ANO7: variants seen among roughly 807,000 people sequenced by gnomAD.
ANO7 encodes the protein anoctamin-7.
Under a neutral mutation model 115.8 loss-of-function variants are expected in ANO7, and 114 were observed. The ratio of observed to expected loss-of-function variants is 0.98; its 90% CI spans 0.85 to 1.15. ANO7 has a LOEUF of 1.15. Among genes scored for constraint, ANO7 ranks in the 50% most tolerant of loss-of-function variants. The probability of loss-of-function intolerance (pLI) is 0.00; values close to 1 mark genes in which losing one functional copy is unlikely to be tolerated. For missense variants in ANO7, 1,302 were observed against 1,201.2 expected (o/e 1.08, Z -1.24); for synonymous variants, 550 against 498.2 (o/e 1.10, Z -1.38).
intron 7 of ANO7, among the ~76,000 whole-genome samples, 159 bp downstream of exon 7, chr2:241,201,514 C>T (rs546875002): frequency 1.3e-5 from 2 of 152,232 alleles, no homozygotes; most frequent in South Asian, 2.1e-4. Context: ...GACCTCACCT[C>T]GCTACACAGG....
chr2:241,215,907 T>G (rs1477417004), intron 18 of ANO7, among the ~76,000 whole-genome samples, 186 bp from the exon 19 acceptor site: 1 of 152,220 alleles, frequency 6.6e-6, no homozygotes, highest in Non-Finnish European at 1.5e-5. Context: ...ACGCTTTCAC[T>G]GAGTCCGATC....
chr2:241,191,103 C>T (rs1459726524), intron 2 of ANO7, 91 bp from the exon 3 acceptor site: 20 of 1,423,216 alleles, frequency 1.4e-5, no homozygotes, highest in Admixed American at 7.0e-5. Flanking sequence ...GGGTTGGAGG[C>T]GAGGACGGCT....
chr2:241,226,549 C>T (rs1020172742), downstream of ANO7, among the ~76,000 whole-genome samples: 9 of 151,970 alleles, frequency 5.9e-5, no homozygotes, highest in South Asian at 4.2e-4. Flanking sequence ...CTCAGCCTCC[C>T]GAGTAGCTGG....
rs758754917 is a variant in ANO7, at chr2:241,203,624, C to T, written c.889+126C>T. The T allele has an allele frequency of 1.0e-4, 70 of 669,242 alleles. 1 individual carries two copies. Among genetic ancestry groups the T allele is most frequent in the Non-Finnish European group, 1.5e-4 (63 of 425,444 alleles). 41.5% of individuals were successfully genotyped at this position (669,242 alleles called of 1,614,324 possible). ...GGGGGCCTGGACGGTGGGCGCAGCT[C>T]TTGGCTCGACCGGGCTGCCCTCCTG... On this transcript the variant is annotated intron_variant, in intron 9 of 24. Transcript: ENST00000674324. This position sits in a 1 kb window ranked among gnomAD's most constrained non-coding sequence, Gnocchi z 4.8.
chr2:241,222,543 A>G (rs955085395), intron 21 of ANO7, among the ~76,000 whole-genome samples: 10 of 149,244 alleles, frequency 6.7e-5, no homozygotes, highest in African/African-American at 2.2e-4. Context: ...CATTTGAGGG[A>G]TTTTTTTTCC....
At chr2:241,208,879 G>A (rs564665176) in intron 11 of ANO7, among the ~76,000 whole-genome samples, 1 of 152,334 alleles carries the variant, frequency 6.6e-6, no homozygotes, top group Admixed American at 6.5e-5. Flanking sequence ...GCTGGGCACG[G>A]TGGCTCACGC....
downstream of ANO7, chr2:241,230,323 A>T: frequency 9.4e-7 from 1 of 1,065,618 alleles, no homozygotes; most frequent in Non-Finnish European, 1.4e-6. This position sits in a 1 kb window ranked among gnomAD's most constrained non-coding sequence, Gnocchi z 5.0. Flanking sequence ...GAAAAGGGTT[A>T]AAATTATGTG....
chr2:241,194,729 C>A (rs1373566702), intron 3 of ANO7, among the ~76,000 whole-genome samples: 1 of 152,208 alleles, frequency 6.6e-6, no homozygotes, highest in Non-Finnish European at 1.5e-5. Context: ...TCATCTCTTA[C>A]TTTACCTAAT....
In ANO7 at chr2:241,216,151, G is replaced by A. The variant is rs1247633432; in HGVS notation, c.1885G>A (p.Ala629Thr). 2 of 1,613,414 alleles carry A rather than the reference G, an allele frequency of 1.2e-6. No homozygotes were observed. Among genetic ancestry groups the A allele is most frequent in the East Asian group, 2.2e-5 (1 of 44,882 alleles). Residue 629 changes from alanine (A) to threonine (T), a missense_variant, in exon 19 of 25, where the codon GCT (alanine) becomes ACT (threonine). Physicochemically the swap from Ala to Thr is moderately conservative, Grantham distance 58. Coordinates refer to ENST00000674324, the MANE Select transcript of ANO7 (RefSeq NM_001370694.2). ...RLRSKKRKAG[A>T]SAGASQGPWE... ...TCGCTCCAAGAAGAGGAAGGCGGGA[G>A]CTTCTGCAGGGGCTAGCCAGGGGCC...
At chr2:241,196,469 C>G (rs1247997133) in intron 4 of ANO7, among the ~76,000 whole-genome samples, 2 of 152,236 alleles carry the variant, frequency 1.3e-5, no homozygotes, top group East Asian at 3.8e-4. Flanking sequence ...CCTCTGACCA[C>G]CTTCCTCTGT....
At chr2:241,222,233 CATAAATAAATAA>C (rs59653174) in intron 21 of ANO7, among the ~76,000 whole-genome samples, 191 of 143,344 alleles carry the variant, frequency 1.3e-3, no homozygotes, top group African/African-American at 3.7e-3. Flanking sequence ...GACTCTGTCT[CATAAATAAATAA>C]ATAAATAAAT....
In ANO7 at chr2:241,217,838, G is replaced by C. The variant is rs752118682; in HGVS notation, c.2125G>C (p.Gly709Arg). ...GGTGGCCGAGCGCGCCCAGGACATC[G>C]GCATCTGGTTCCACATCCTGGCGGG... Reference protein sequence around the residue: ...RPVAERAQDIGIWFHILAGLT... With the variant: ...RPVAERAQDIRIWFHILAGLT... Residue 709 changes from glycine (G) to arginine (R), a missense_variant, in exon 20 of 25, where the codon GGC becomes CGC. Coordinates refer to ENST00000674324, the MANE Select transcript of ANO7 (RefSeq NM_001370694.2). 4.4e-6 allele frequency: 7 copies of C among 1,608,506 alleles called. No homozygotes were observed. The highest frequency in any genetic ancestry group is 3.3e-5 in the South Asian group (3 of 90,654).
chr2:241,190,240 C>G, intron 2 of ANO7, 69 bp downstream of exon 2: 1 of 1,367,758 alleles, frequency 7.3e-7, no homozygotes, highest in Non-Finnish European at 1.0e-6. Flanking sequence ...TGCCCCCACC[C>G]TGGGCCCAGA....
At chr2:241,229,776 G>A, downstream of ANO7, 1 of 1,563,972 alleles carries the variant, frequency 6.4e-7, no homozygotes. Context: ...AGGACACCAA[G>A]CCCGCCTGCC....
At chr2:241,211,628 G>T (rs1265423342) in intron 15 of ANO7, among the ~76,000 whole-genome samples, 1 of 152,176 alleles carries the variant, frequency 6.6e-6, no homozygotes, top group African/African-American at 2.4e-5. Context: ...TCAGGGAGAG[G>T]TTCCTGGTTC....
At chr2:241,228,713 C>CA (rs1433451233), downstream of ANO7, 1 of 152,988 alleles carries the variant, frequency 6.5e-6, no homozygotes, top group Non-Finnish European at 1.5e-5. Context: ...CAACTGAACA[C>CA]ACAGCAGCTA....
chr2:241,212,228 G>A, intron 16 of ANO7, 23 bp downstream of exon 16: 1 of 1,579,728 alleles, frequency 6.3e-7, no homozygotes, highest in South Asian at 1.1e-5. Context: ...CTCTCCCTCT[G>A]GCCACAGCTT....
At chr2:241,190,197 G>C (rs1250000831) in intron 2 of ANO7, 26 bp downstream of exon 2, 18 of 1,542,144 alleles carry the variant, frequency 1.2e-5, no homozygotes, top group Non-Finnish European at 1.5e-5. Flanking sequence ...AGACTGTGGT[G>C]CGACTTGAGA....
the ANO7 span, chr2:241,235,061 A>T: frequency 3.2e-6 from 5 of 1,583,066 alleles, no homozygotes; most frequent in Non-Finnish European, 4.3e-6. Context: ...CTAGATTCTG[A>T]CATGTGCCCA....
Sources: gnomAD v4.1 joint callset for allele counts (sites outside exome capture counted in the v4.1 genomes callset) on GRCh38, gnomAD v4.1.1 for gene constraint, Gnocchi (gnomAD v3.1) non-coding constraint, MANE v1.5 for transcripts, NCBI Gene and HGNC (gene_info 2026-07-23, HGNC 2026-07-21) for gene names.